FGF14: variants seen among roughly 807,000 people sequenced by gnomAD.
FGF14 encodes the protein fibroblast growth factor 14, also known as fibroblast growth factor homologous factor 4.
In FGF14, 5 loss-of-function variants were observed where a neutral mutation model predicts 25.5. The observed-to-expected ratio is 0.20, with a 90% CI of 0.10 to 0.41. The LOEUF (loss-of-function observed/expected upper bound fraction) is 0.41, where lower values mean the gene tolerates loss of function less well. FGF14 is among the 10% of genes least tolerant of loss of function. The pLI, the probability that FGF14 is intolerant of heterozygous loss-of-function variation, is 1.00. For synonymous variants in FGF14, 138 were observed against 118.3 expected (o/e 1.17, Z -1.08); for missense variants, 222 against 320.1 (o/e 0.69, Z 2.34).
At chr13:102,139,548 A>G (rs1053685254) in intron 1 of FGF14, among the ~76,000 whole-genome samples, 1 of 152,336 alleles carries the variant, frequency 6.6e-6, no homozygotes, top group South Asian at 2.1e-4. Flanking sequence ...GTCCCCATTC[A>G]TCGCCTCATA....
intron 1 of FGF14, among the ~76,000 whole-genome samples, chr13:102,060,419 G>A (rs376845032): frequency 2.6e-4 from 40 of 152,202 alleles, no homozygotes; most frequent in African/African-American, 8.9e-4. Flanking sequence ...CCAGCCACGC[G>A]GGAGGCTGAG....
intron 1 of FGF14, among the ~76,000 whole-genome samples, chr13:102,217,147 T>A (rs2050409153): frequency 6.6e-6 from 1 of 152,246 alleles, no homozygotes; most frequent in African/African-American, 2.4e-5. Context: ...CATATTGTTT[T>A]CATTTCCTTT....
chr13:102,016,422 C>A (rs2040348598), intron 1 of FGF14, among the ~76,000 whole-genome samples: 1 of 152,020 alleles, frequency 6.6e-6, no homozygotes, highest in Admixed American at 6.5e-5. Flanking sequence ...TGTGAGACAA[C>A]TGAGATTAGT....
chr13:102,116,058 C>T (rs2893082), intron 1 of FGF14, among the ~76,000 whole-genome samples: 30,370 of 151,994 alleles, frequency 0.2, 3,162 homozygotes, highest in Middle Eastern at 0.26. Flanking sequence ...TGCGGTGAGC[C>T]GAGATCAAGC....
chr13:101,890,679 T>C (rs987342636), intron 1 of FGF14, among the ~76,000 whole-genome samples: 3 of 152,182 alleles, frequency 2.0e-5, no homozygotes, highest in African/African-American at 4.8e-5. Context: ...TGTACGTTCA[T>C]GGAAGCAGAC....
Position 101,740,378 on chromosome 13 carries a change from G to C in FGF14, c.409-13568C>G, listed in dbSNP as rs144607417. Among the ~76,000 whole-genome samples, 332 of 152,266 alleles carry C rather than the reference G, an allele frequency of 2.2e-3. 1 individual carries two copies. Among genetic ancestry groups the C allele is most frequent in the African/African-American group, 7.8e-3 (323 of 41,536 alleles). On this transcript the variant is annotated intron_variant, in intron 3 of 4. Coordinates refer to ENST00000376143, the MANE Select transcript of FGF14 (RefSeq NM_004115.4). ...TGGCCAAAATGTGAAGCCTAAAAGA[G>C]AGCCAATTTGGATATAAGAATTCTG...
At chr13:102,361,643 C>G (rs2057569170) in intron 1 of FGF14, among the ~76,000 whole-genome samples, 1 of 152,138 alleles carries the variant, frequency 6.6e-6, no homozygotes, top group South Asian at 2.1e-4. Flanking sequence ...TGCTGTTGTT[C>G]TTCAGTTCCA....
At chr13:101,744,186 G>C (rs1427873381) in intron 3 of FGF14, among the ~76,000 whole-genome samples, 1 of 152,062 alleles carries the variant, frequency 6.6e-6, no homozygotes, top group African/African-American at 2.4e-5. Context: ...GGGAGCTTGT[G>C]GGTGATTTTT....
At chr13:102,103,757 T>C (rs919385613) in intron 1 of FGF14, among the ~76,000 whole-genome samples, 4 of 152,230 alleles carry the variant, frequency 2.6e-5, no homozygotes, top group Non-Finnish European at 5.9e-5. Context: ...TTTTAGGTCC[T>C]GGCCCCACCC....
At chr13:101,953,556 ATATG>A (rs1214642429) in intron 1 of FGF14, among the ~76,000 whole-genome samples, 1 of 146,486 alleles carries the variant, frequency 6.8e-6, no homozygotes, top group African/African-American at 2.5e-5. Context: ...GTGTATATAT[ATATG>A]TGTGTGTGTG....
intron 1 of FGF14, among the ~76,000 whole-genome samples, chr13:102,336,722 G>A (rs1169437347): frequency 6.6e-6 from 1 of 152,168 alleles, no homozygotes; most frequent in Non-Finnish European, 1.5e-5. Context: ...GCCAAGAGGG[G>A]CTGACTCTGT....
At chr13:102,085,245 T>TG (rs1043014278) in intron 1 of FGF14, among the ~76,000 whole-genome samples, 1 of 151,912 alleles carries the variant, frequency 6.6e-6, no homozygotes, top group Non-Finnish European at 1.5e-5. Context: ...TATGTGCTGG[T>TG]GGGGGAGGGG....
At chr13:102,061,954 A>G (rs529543506) in intron 1 of FGF14, among the ~76,000 whole-genome samples, 5 of 152,180 alleles carry the variant, frequency 3.3e-5, no homozygotes, top group Non-Finnish European at 7.3e-5. Context: ...CTGCAAACTC[A>G]TGAATACCCA....
intron 1 of FGF14, among the ~76,000 whole-genome samples, chr13:102,123,285 TC>T (rs1328087299): frequency 6.6e-6 from 1 of 152,186 alleles, no homozygotes; most frequent in African/African-American, 2.4e-5. Context: ...AGCTACATTT[TC>T]TTTTAAGCAC....
At chr13:101,928,280 A>T (rs1446313171) in intron 1 of FGF14, among the ~76,000 whole-genome samples, 1 of 152,244 alleles carries the variant, frequency 6.6e-6, no homozygotes, top group Non-Finnish European at 1.5e-5. Flanking sequence ...CTGAAAATAA[A>T]GACACTTTTT....
intron 1 of FGF14, among the ~76,000 whole-genome samples, chr13:101,990,390 G>A (rs2038831453): frequency 6.6e-6 from 1 of 151,958 alleles, no homozygotes; most frequent in African/African-American, 2.4e-5. Context: ...GTTAAGAAAG[G>A]GCATGATTTT....
chr13:101,791,690 C>G (rs1204275855), intron 3 of FGF14, among the ~76,000 whole-genome samples: 2 of 152,124 alleles, frequency 1.3e-5, no homozygotes, highest in Non-Finnish European at 2.9e-5. Context: ...TTTGACCTTC[C>G]TACCCCATTT....
At chr13:102,333,737 G>T (rs530472770) in intron 1 of FGF14, among the ~76,000 whole-genome samples, 1 of 152,286 alleles carries the variant, frequency 6.6e-6, no homozygotes, top group East Asian at 1.9e-4. Context: ...ACCAGCTGCT[G>T]CCACTTAGGG....
At chr13:102,097,606 G>A (rs753380127) in intron 1 of FGF14, among the ~76,000 whole-genome samples, 13 of 152,246 alleles carry the variant, frequency 8.5e-5, no homozygotes, top group South Asian at 6.2e-4. Context: ...ACACTCAGAC[G>A]CACAAAAGTA....
Sources: gnomAD v4.1 joint callset for allele counts (sites outside exome capture counted in the v4.1 genomes callset) on GRCh38, gnomAD v4.1.1 for gene constraint, MANE v1.5 for transcripts, NCBI Gene and HGNC (gene_info 2026-07-23, HGNC 2026-07-21) for gene names.